INPP4B: variants seen among roughly 807,000 people sequenced by gnomAD.
INPP4B encodes the protein inositol polyphosphate-4-phosphatase type II B.
In INPP4B, 55 loss-of-function variants were observed where a neutral mutation model predicts 122.5. That is an observed-to-expected ratio of 0.45 (90% CI 0.36 to 0.56). The LOEUF is 0.56. INPP4B is among the 20% of genes least tolerant of loss of function. INPP4B has a pLI of 0.00. For synonymous variants in INPP4B, 403 were observed against 388.7 expected, an observed-to-expected ratio of 1.04 and a Z score of -0.43; for missense variants, 1,000 against 1,097.7, an observed-to-expected ratio of 0.91 and a Z score of 1.26.
At chr4:142,815,914 A>G (rs1780063360) in intron 1 of INPP4B, among the ~76,000 whole-genome samples, 1 of 152,272 alleles carries the variant, frequency 6.6e-6, no homozygotes, top group South Asian at 2.1e-4. Context: ...GTACTCAAAC[A>G]AGATGCTTTT....
At chr4:142,708,766 G>T (rs1560983947) in intron 2 of INPP4B, among the ~76,000 whole-genome samples, 1 of 152,184 alleles carries the variant, frequency 6.6e-6, no homozygotes, top group Non-Finnish European at 1.5e-5. Flanking sequence ...GGGCAATATG[G>T]AGGGTAAATG....
chr4:142,232,676 A>T (rs1224262780), intron 12 of INPP4B, among the ~76,000 whole-genome samples: 1 of 152,066 alleles, frequency 6.6e-6, no homozygotes, highest in Non-Finnish European at 1.5e-5. Flanking sequence ...GCTAGAAATG[A>T]TTAAAGTGAG....
At chr4:142,055,987 T>C (rs139690219) in intron 25 of INPP4B, among the ~76,000 whole-genome samples, 4 of 151,650 alleles carry the variant, frequency 2.6e-5, no homozygotes, top group East Asian at 1.9e-4. Flanking sequence ...CTGGGGGTGA[T>C]GGGAGACAGT....
intron 7 of INPP4B, among the ~76,000 whole-genome samples, chr4:142,356,292 A>C (rs531932106): frequency 6.7e-6 from 1 of 149,788 alleles, no homozygotes; most frequent in South Asian, 2.2e-4. Flanking sequence ...TGTTGATTTG[A>C]AAATAAGAAA....
At chr4:142,352,327 G>A (rs1782164307) in intron 7 of INPP4B, among the ~76,000 whole-genome samples, 1 of 151,764 alleles carries the variant, frequency 6.6e-6, no homozygotes, top group African/African-American at 2.4e-5. Flanking sequence ...TGAAAACAAA[G>A]GCTACAAAAA....
chr4:142,126,133 T>C (rs914153424), intron 18 of INPP4B, among the ~76,000 whole-genome samples: 18 of 152,144 alleles, frequency 1.2e-4, no homozygotes, highest in African/African-American at 4.1e-4. Flanking sequence ...CTGGCAAATG[T>C]TAACTATCAT....
intron 2 of INPP4B, among the ~76,000 whole-genome samples, chr4:142,547,987 G>C (rs1727021607): frequency 6.6e-6 from 1 of 152,120 alleles, no homozygotes. Context: ...TGAGAGAAAA[G>C]CTAAAACATT....
In INPP4B at chr4:142,173,635, T is replaced by C; in HGVS notation, c.1356A>G (p.Glu452=). Residue 452 remains glutamate, a synonymous_variant, in exon 16 of 26, where the codon GAA becomes GAG. Transcript: ENST00000262992. ...SLKNSLKMLS[E]KTELFVHAFK... is the part of the protein sequence containing the mutation. Reference sequence around the variant, plus strand: ...ATAGTGATGATTTGGATCTTACTTTTTCTGAAAGCATCTTTAAAGAATTCT... The same window carrying C: ...ATAGTGATGATTTGGATCTTACTTTCTCTGAAAGCATCTTTAAAGAATTCT... 1 of 1,610,816 alleles carries C rather than the reference T, an allele frequency of 6.2e-7. No individual in the cohort carries two copies. Among genetic ancestry groups the C allele is most frequent in the Non-Finnish European group, 8.5e-7 (1 of 1,178,348 alleles).
chr4:142,136,822 A>G (rs1044427316), intron 18 of INPP4B, among the ~76,000 whole-genome samples: 6 of 152,184 alleles, frequency 3.9e-5, no homozygotes, highest in South Asian at 2.1e-4. Context: ...TCATTAAGAT[A>G]TCAAGGACAA....
intron 2 of INPP4B, among the ~76,000 whole-genome samples, chr4:142,641,703 T>G (rs1274450968): frequency 6.6e-6 from 1 of 152,150 alleles, no homozygotes; most frequent in East Asian, 1.9e-4. Context: ...GTCTTTGCTA[T>G]TGTGAGTAGT....
In INPP4B at chr4:142,028,362, A is replaced by AAGTT. The variant is rs530446294; in HGVS notation, c.*416_*419dup. 4.2e-4 allele frequency: 98 copies of AAGTT among 233,894 alleles called. No homozygotes were observed. The highest frequency in any genetic ancestry group is 6.4e-4 in the Non-Finnish European group (76 of 118,524). The allele number at this position is 233,894 out of a possible 1,614,324, so 14.5% of individuals were successfully genotyped here. The stretch of plus-strand genomic sequence containing the variant: ...GTTGACTGTGTTCTCATAGGCTATT[A>AAGTT]AGTTGTATCACAAAAAAAATATGTT... On this transcript the variant is annotated 3_prime_UTR_variant, in exon 26 of 26. Transcript: ENST00000262992.
chr4:142,684,390 G>C (rs940331953), intron 2 of INPP4B, among the ~76,000 whole-genome samples: 3 of 152,016 alleles, frequency 2.0e-5, no homozygotes, highest in African/African-American at 4.8e-5. Context: ...TTGTCCAAGA[G>C]CACATGCTTG....
At chr4:142,651,584 T>C (rs1752970669) in intron 2 of INPP4B, among the ~76,000 whole-genome samples, 1 of 152,190 alleles carries the variant, frequency 6.6e-6, no homozygotes, top group Non-Finnish European at 1.5e-5. Context: ...CAGAGAATAC[T>C]GTAAACATTT....
chr4:142,727,876 C>T (rs1165854679), intron 1 of INPP4B, among the ~76,000 whole-genome samples: 2 of 151,998 alleles, frequency 1.3e-5, no homozygotes, highest in Non-Finnish European at 2.9e-5. Context: ...AGTCCCTGTC[C>T]CCCAACCCCC....
chr4:142,719,749 A>G (rs1381033978), intron 2 of INPP4B, among the ~76,000 whole-genome samples: 1 of 152,156 alleles, frequency 6.6e-6, no homozygotes, highest in Non-Finnish European at 1.5e-5. Flanking sequence ...GATGTTGTCA[A>G]CTCATGAGCA....
At chr4:142,376,900 T>C (rs1300794806) in intron 7 of INPP4B, among the ~76,000 whole-genome samples, 1 of 152,032 alleles carries the variant, frequency 6.6e-6, no homozygotes. Flanking sequence ...GTACAAATTA[T>C]TTGTAATTAA....
At chr4:142,446,684 C>T (rs548796046) in intron 3 of INPP4B, among the ~76,000 whole-genome samples, 16 of 152,174 alleles carry the variant, frequency 1.1e-4, no homozygotes, top group African/African-American at 3.6e-4. Context: ...AAATGAGGAG[C>T]TCTTCATTTT....
Position 142,135,746 on chromosome 4 carries a change from T to A in INPP4B, c.1720+10094A>T, listed in dbSNP as rs146434006. Among the ~76,000 whole-genome samples the A allele has an allele frequency of 3.2e-3, 491 of 152,110 alleles. 4 individuals carry two copies. The highest frequency in any genetic ancestry group is 0.011 in the African/African-American group (443 of 41,524). ...GATTTTTTCCTTTTTCCTTCAGTGG[T>A]GTTGCTCCAGACCTGTCAGGGTGTT... On this transcript the variant is annotated intron_variant, in intron 18 of 25. Transcript: ENST00000262992.
At chr4:142,298,682 T>TTA (rs1759915494) in intron 9 of INPP4B, among the ~76,000 whole-genome samples, 1 of 8,860 alleles carries the variant, frequency 1.1e-4, no homozygotes, top group Non-Finnish European at 2.2e-4. Flanking sequence ...AGACTCTGTC[T>TTA]CAAAAAAAAA....
Sources: allele counts gnomAD v4.1 joint callset (sites outside exome capture counted in the v4.1 genomes callset), GRCh38; gene constraint gnomAD v4.1.1; transcripts MANE v1.5; gene names NCBI Gene and HGNC (gene_info 2026-07-23, HGNC 2026-07-21).